The following ARMH3 variants were observed in gnomAD, a reference collection of about 807,000 sequenced individuals.
ARMH3 encodes the protein armadillo-like helical domain-containing protein 3.
In ARMH3, 60 loss-of-function variants were observed where a neutral mutation model predicts 99.1. The ratio of observed to expected loss-of-function variants is 0.61; its 90% CI spans 0.49 to 0.75. The LOEUF (loss-of-function observed/expected upper bound fraction) is 0.75, where lower values mean the gene tolerates loss of function less well. Among genes scored for constraint, ARMH3 ranks in the 30% least tolerant of loss-of-function variants. ARMH3 has a pLI of 0.00. For missense variants in ARMH3, 679 were observed against 843.1 expected (o/e 0.81, Z 2.41); for synonymous variants, 285 against 292.8 (o/e 0.97, Z 0.27).
chr10:101,860,239 T>C (rs2066833837), intron 24 of ARMH3, among the ~76,000 whole-genome samples: 1 of 152,082 alleles, frequency 6.6e-6, no homozygotes, highest in African/African-American at 2.4e-5. Context: ...GTGGAGATGA[T>C]ATATATAGAT....
At chr10:101,982,237 T>C (rs1846268831) in intron 19 of ARMH3, among the ~76,000 whole-genome samples, 1 of 150,704 alleles carries the variant, frequency 6.6e-6, no homozygotes, top group Admixed American at 6.6e-5. Context: ...AACACAAAAA[T>C]TGGCCAGGAG....
intron 23 of ARMH3, among the ~76,000 whole-genome samples, chr10:101,928,058 G>A (rs542828111): frequency 1.1e-4 from 16 of 152,152 alleles, no homozygotes; most frequent in African/African-American, 3.6e-4. Context: ...TGGGCAGAGC[G>A]AGACTGTCTC....
intron 1 of ARMH3, among the ~76,000 whole-genome samples, chr10:102,046,010 G>A (rs1233644770): frequency 1.3e-5 from 2 of 151,932 alleles, no homozygotes; most frequent in Non-Finnish European, 2.9e-5. Flanking sequence ...CAGGAGAATC[G>A]CTTGAAGTCA....
At chr10:101,991,897 C>T (rs1419371262) in intron 18 of ARMH3, 72 bp downstream of exon 18, 1 of 1,353,384 alleles carries the variant, frequency 7.4e-7, no homozygotes, top group East Asian at 2.3e-5. Flanking sequence ...CAAACAGGTT[C>T]TACTCTTCAT....
At chr10:102,013,640 C>T (rs903954195) in intron 9 of ARMH3, among the ~76,000 whole-genome samples, 25 of 152,302 alleles carry the variant, frequency 1.6e-4, no homozygotes, top group African/African-American at 4.8e-4. Flanking sequence ...AATCTCCCAT[C>T]ATTTAGTCAT....
chr10:102,044,225 C>T (rs916094635), intron 1 of ARMH3, among the ~76,000 whole-genome samples: 8 of 151,892 alleles, frequency 5.3e-5, no homozygotes, highest in African/African-American at 1.9e-4. Flanking sequence ...TCCCCAGTAG[C>T]TGAGACACCT....
At chr10:101,964,671 C>T (rs759711608) in intron 20 of ARMH3, among the ~76,000 whole-genome samples, 2 of 152,040 alleles carry the variant, frequency 1.3e-5, no homozygotes, top group Non-Finnish European at 2.9e-5. Flanking sequence ...CCAGAGTAAT[C>T]AAATTCAGAA....
intron 4 of ARMH3, among the ~76,000 whole-genome samples, chr10:102,030,107 G>A (rs2136196655): frequency 6.6e-6 from 1 of 151,902 alleles, no homozygotes; most frequent in East Asian, 1.9e-4. Context: ...TTTTTGTAGA[G>A]ACAGGGTCTC....
intron 1 of ARMH3, among the ~76,000 whole-genome samples, chr10:102,044,031 C>G (rs1329273132): frequency 6.6e-6 from 1 of 151,910 alleles, no homozygotes; most frequent in Non-Finnish European, 1.5e-5. Flanking sequence ...ATTCTTGTGC[C>G]TCAGCCTTGT....
At chr10:101,920,923 T>C (rs1843281502) in intron 23 of ARMH3, among the ~76,000 whole-genome samples, 1 of 152,126 alleles carries the variant, frequency 6.6e-6, no homozygotes, top group South Asian at 2.1e-4. Flanking sequence ...GATTCCACTA[T>C]AAGGTATCTA....
At chr10:102,015,861 C>T (rs776518994) in intron 8 of ARMH3, among the ~76,000 whole-genome samples, 1 of 152,184 alleles carries the variant, frequency 6.6e-6, no homozygotes, top group South Asian at 2.1e-4. Context: ...GGGCTGGGCA[C>T]GGTGGCTCAT....
chr10:101,993,412 T>C, intron 17 of ARMH3, 126 bp downstream of exon 17: 1 of 620,120 alleles, frequency 1.6e-6, no homozygotes, highest in Non-Finnish European at 2.8e-6. Context: ...TGAACAGCCG[T>C]CATGCAAAGC....
At chr10:102,014,513 G>T (rs984141300) in intron 8 of ARMH3, among the ~76,000 whole-genome samples, 4 of 152,156 alleles carry the variant, frequency 2.6e-5, no homozygotes, top group African/African-American at 9.7e-5. Context: ...CAAACTACAT[G>T]CAAGGACTGA....
chr10:102,009,978 G>C lies in ARMH3; in HGVS notation c.877C>G (p.Gln293Glu). 6.2e-7 allele frequency: 1 copy of C among 1,613,832 alleles called. No homozygotes were observed. Among genetic ancestry groups the C allele is most frequent in the Non-Finnish European group, 8.5e-7 (1 of 1,179,796 alleles). ...IADAHEKISV[Q>E]TNEAILLALY... is the part of the protein sequence containing the mutation. ...TGCACAAGAATGTCAGGCACTTACT[G>C]TACTGAGATTTTCTCATGGGCATCT... The change falls in exon 12 of 26, where the codon CAA becomes GAA. Residue 293 changes from glutamine to glutamate, a missense_variant and splice_region_variant. Transcript: ENST00000370033.
chr10:102,003,836 A>G (rs1187488588), intron 14 of ARMH3, among the ~76,000 whole-genome samples: 1 of 152,248 alleles, frequency 6.6e-6, no homozygotes, highest in Non-Finnish European at 1.5e-5. Flanking sequence ...CTATTTTCCC[A>G]GTTAGGCCTC....
At chr10:102,037,197 T>C (rs2067298524) in intron 2 of ARMH3, among the ~76,000 whole-genome samples, 1 of 150,990 alleles carries the variant, frequency 6.6e-6, no homozygotes. Flanking sequence ...TTTTTTTTTT[T>C]TTGAGATGGA....
intron 22 of ARMH3, among the ~76,000 whole-genome samples, chr10:101,955,830 G>A (rs977146144): frequency 6.6e-6 from 1 of 152,206 alleles, no homozygotes; most frequent in African/African-American, 2.4e-5. Flanking sequence ...TTATCCTGAT[G>A]ATTGTGATAG....
chr10:101,879,027 T>A (rs1023474396), intron 24 of ARMH3, among the ~76,000 whole-genome samples: 1 of 152,154 alleles, frequency 6.6e-6, no homozygotes, highest in Non-Finnish European at 1.5e-5. Flanking sequence ...AGACGCCTCG[T>A]CAGTGTTTTT....
chr10:101,880,421 A>G (rs1039315221), intron 24 of ARMH3, among the ~76,000 whole-genome samples: 2 of 151,734 alleles, frequency 1.3e-5, no homozygotes, highest in African/African-American at 4.8e-5. Flanking sequence ...GGTCACATTC[A>G]CCTCCTGCTC....
Sources: allele counts gnomAD v4.1 joint callset (sites outside exome capture counted in the v4.1 genomes callset), GRCh38; gene constraint gnomAD v4.1.1; transcripts MANE v1.5; gene names NCBI Gene and HGNC (gene_info 2026-07-23, HGNC 2026-07-21).